Variants in ZNF609 observed in about 807,000 individuals in gnomAD.
ZNF609 encodes the protein zinc finger protein 609.
Under a neutral mutation model 109.5 loss-of-function variants are expected in ZNF609, and 11 were observed. The ratio of observed to expected loss-of-function variants is 0.10; its 90% CI spans 0.06 to 0.17. ZNF609 has a LOEUF of 0.17. ZNF609 is among the 10% of genes least tolerant of loss of function. The pLI, the probability that ZNF609 is intolerant of heterozygous loss-of-function variation, is 1.00. For synonymous variants in ZNF609, 646 were observed against 662.0 expected (o/e 0.98, Z 0.37); for missense variants, 1,559 against 1,772.4 (o/e 0.88, Z 2.16).
chr15:64,540,491 G>A (rs1367970112), intron 2 of ZNF609, among the ~76,000 whole-genome samples: 3 of 151,784 alleles, frequency 2.0e-5, no homozygotes, highest in East Asian at 3.9e-4. Context: ...TGCAACCTCC[G>A]CCTCCTGGGT....
chr15:64,550,087 G>C (rs1408479158), intron 2 of ZNF609, among the ~76,000 whole-genome samples: 1 of 151,848 alleles, frequency 6.6e-6, no homozygotes, highest in Non-Finnish European at 1.5e-5. Context: ...AAGTAGCTAG[G>C]GCTACAGGCA....
At chr15:64,583,133 A>G (rs952445282) in intron 2 of ZNF609, among the ~76,000 whole-genome samples, 4 of 149,448 alleles carry the variant, frequency 2.7e-5, no homozygotes, top group Non-Finnish European at 5.9e-5. Flanking sequence ...TCCCGGGTTC[A>G]AGTAATTCTC....
At chr15:64,526,158 T>G (rs1208367897) in intron 2 of ZNF609, among the ~76,000 whole-genome samples, 3 of 151,820 alleles carry the variant, frequency 2.0e-5, no homozygotes, top group Non-Finnish European at 2.9e-5. Flanking sequence ...ACCAAAATCT[T>G]GCACTTCTTT....
chr15:64,578,500 CT>C (rs1895039346), intron 2 of ZNF609, among the ~76,000 whole-genome samples: 1 of 152,044 alleles, frequency 6.6e-6, no homozygotes, highest in Non-Finnish European at 1.5e-5. Flanking sequence ...CGAGATCAGC[CT>C]GACCAACATG....
chr15:64,656,527 A>T (rs926910379), intron 3 of ZNF609, among the ~76,000 whole-genome samples: 8 of 151,982 alleles, frequency 5.3e-5, no homozygotes, highest in African/African-American at 1.7e-4. Context: ...ACTCTTCTTC[A>T]TGTGTGTCAT....
At chr15:64,488,681 G>A (rs563450967) in intron 1 of ZNF609, among the ~76,000 whole-genome samples, 1 of 152,190 alleles carries the variant, frequency 6.6e-6, no homozygotes, top group South Asian at 2.1e-4. Context: ...AATAGATCTG[G>A]GAAGGGAGAG....
rs147213688 is a variant in ZNF609, at chr15:64,675,488, T to G, written c.2634T>G (p.Thr878=). 15 of 1,614,070 alleles carry G rather than the reference T, an allele frequency of 9.3e-6. No individual in the cohort carries two copies. In the African/African-American group the frequency reaches 1.5e-4, roughly 16 times the overall value. ...TGGTTAAAGAAGGGGCTAAGAAAAC[T>G]CTTTTTCCCCCTCAGCCTCAGAGCA... ...EQLVKEGAKK[T]LFPPQPQSKD... is the part of the protein sequence containing the mutation. Residue 878 remains threonine, a synonymous_variant, in exon 5 of 10, where the codon ACT becomes ACG. Coordinates refer to ENST00000326648, the MANE Select transcript of ZNF609 (RefSeq NM_015042.2).
intron 3 of ZNF609, among the ~76,000 whole-genome samples, chr15:64,642,527 C>T: frequency 6.6e-6 from 1 of 152,166 alleles, no homozygotes; most frequent in East Asian, 1.9e-4. Flanking sequence ...GACACAGTGA[C>T]TCACACTTGT....
At chr15:64,634,877 TCCCA>T (rs1567035657) in intron 3 of ZNF609, among the ~76,000 whole-genome samples, 1 of 152,036 alleles carries the variant, frequency 6.6e-6, no homozygotes, top group Non-Finnish European at 1.5e-5. Flanking sequence ...ACCTACTTTC[TCCCA>T]CCCCTCCCCC....
At chr15:64,589,149 C>G (rs1212555421) in intron 2 of ZNF609, among the ~76,000 whole-genome samples, 1 of 152,122 alleles carries the variant, frequency 6.6e-6, no homozygotes, top group Non-Finnish European at 1.5e-5. Flanking sequence ...GATGTCCCTG[C>G]CTTGTGTGGA....
chr15:64,633,096 ATTG>A (rs1355298694), intron 3 of ZNF609, among the ~76,000 whole-genome samples: 1 of 149,146 alleles, frequency 6.7e-6, no homozygotes, highest in African/African-American at 2.5e-5. Context: ...TAAATAAAGT[ATTG>A]TTTTGTTTTT....
intron 1 of ZNF609, among the ~76,000 whole-genome samples, chr15:64,477,811 T>C (rs984031852): frequency 6.6e-6 from 1 of 151,964 alleles, no homozygotes; most frequent in Non-Finnish European, 1.5e-5. Flanking sequence ...ATGGTTTTGG[T>C]AGAAACGGGG....
At chr15:64,607,696 G>T (rs535156816) in intron 2 of ZNF609, among the ~76,000 whole-genome samples, 36 of 151,196 alleles carry the variant, frequency 2.4e-4, no homozygotes, top group African/African-American at 8.5e-4. Flanking sequence ...GTACTGACGG[G>T]GTCTCACCAT....
At chr15:64,467,087 C>T (rs950811777) in intron 1 of ZNF609, among the ~76,000 whole-genome samples, 1 of 152,184 alleles carries the variant, frequency 6.6e-6, no homozygotes, top group Non-Finnish European at 1.5e-5. Context: ...GTTCTTGGAT[C>T]AGAGTCCCAG....
intron 3 of ZNF609, among the ~76,000 whole-genome samples, chr15:64,664,833 T>C (rs1210259361): frequency 1.3e-5 from 2 of 152,212 alleles, no homozygotes; most frequent in African/African-American, 4.8e-5. Context: ...TTGCAGATTA[T>C]ACCAAAGGAA....
intron 2 of ZNF609, chr15:64,528,774 T>C (rs1360280960): frequency 2.3e-6 from 2 of 862,582 alleles, no homozygotes; most frequent in Non-Finnish European, 3.9e-6. Flanking sequence ...TTGAGGACAA[T>C]GGCTGCCCCA....
At chr15:64,527,100 C>G (rs1038507768) in intron 2 of ZNF609, among the ~76,000 whole-genome samples, 1 of 151,756 alleles carries the variant, frequency 6.6e-6, no homozygotes, top group African/African-American at 2.4e-5. Context: ...ATTGAGAGCA[C>G]CTAGCTTCTA....
Position 64,675,079 on chromosome 15 carries a change from A to G in ZNF609, c.2225A>G (p.Glu742Gly). The change falls in exon 5 of 10, where the codon GAA becomes GGA. Residue 742 changes from glutamate to glycine, a missense_variant. Transcript: ENST00000326648. ...AAGAAGGAATCTTCAAAGGAACTTG[A>G]AAGTCCTCTGACCCCTGGGAAGGTG... ...KKKKESSKEL[E>G]SPLTPGKVCR... 6.2e-7 allele frequency: 1 copy of G among 1,614,214 alleles called. No homozygotes were observed. Among genetic ancestry groups the G allele is most frequent in the Non-Finnish European group, 8.5e-7 (1 of 1,180,038 alleles).
At chr15:64,502,613 A>T (rs1893577981) in intron 2 of ZNF609, 1 of 152,212 alleles carries the variant, frequency 6.6e-6, no homozygotes. Context: ...ACAGAACCAA[A>T]ATAGCAAAAC....
Sources: gnomAD v4.1 joint callset for allele counts (sites outside exome capture counted in the v4.1 genomes callset) on GRCh38, gnomAD v4.1.1 for gene constraint, MANE v1.5 for transcripts, NCBI Gene and HGNC (gene_info 2026-07-23, HGNC 2026-07-21) for gene names.